SORCS2: variants seen among roughly 807,000 people sequenced by gnomAD.
SORCS2 encodes the protein VPS10 domain-containing receptor SorCS2.
A neutral mutation model predicts 141.6 loss-of-function variants in SORCS2; 100 were observed. The ratio of observed to expected loss-of-function variants is 0.71; its 90% CI spans 0.60 to 0.83. The LOEUF (loss-of-function observed/expected upper bound fraction) is 0.83. SORCS2 is among the 40% of genes least tolerant of loss of function. The pLI, the probability that SORCS2 is intolerant of heterozygous loss-of-function variation, is 0.00. For synonymous variants in SORCS2, 789 were observed against 676.9 expected, an observed-to-expected ratio of 1.17 and a Z score of -2.57; for missense variants, 1,646 against 1,560.2, an observed-to-expected ratio of 1.05 and a Z score of -0.93.
At chr4:7,654,010 G>T (rs141227459) in intron 4 of SORCS2, 124 bp from the exon 5 acceptor site, 3 of 908,924 alleles carry the variant, frequency 3.3e-6, no homozygotes, top group Non-Finnish European at 3.4e-6. Context: ...GCGCCTCCGC[G>T]TGTCCGCTGG....
chr4:7,681,732 A>AAT (rs1430961751), intron 9 of SORCS2, among the ~76,000 whole-genome samples: 1 of 152,192 alleles, frequency 6.6e-6, no homozygotes, highest in Non-Finnish European at 1.5e-5. Flanking sequence ...GAGTTGTGAG[A>AAT]ATTCAGTGAG....
chr4:7,306,471 G>A (rs540294914), intron 1 of SORCS2, among the ~76,000 whole-genome samples: 1 of 152,198 alleles, frequency 6.6e-6, no homozygotes, highest in African/African-American at 2.4e-5. Context: ...TTGCGGTGTG[G>A]CTGCTGCATT....
At chr4:7,604,090 G>A (rs1342397442) in intron 3 of SORCS2, among the ~76,000 whole-genome samples, 1 of 152,102 alleles carries the variant, frequency 6.6e-6, no homozygotes. Context: ...GTGTGTGTGT[G>A]TGTACTTTTC....
intron 1 of SORCS2, among the ~76,000 whole-genome samples, chr4:7,284,288 C>T (rs182028146): frequency 2.0e-3 from 299 of 151,600 alleles, no homozygotes; most frequent in Non-Finnish European, 3.4e-3. Context: ...GGGAAAGAGC[C>T]GAGGCTGGGG....
At chr4:7,260,922 G>A (rs2108822352) in intron 1 of SORCS2, among the ~76,000 whole-genome samples, 1 of 152,342 alleles carries the variant, frequency 6.6e-6, no homozygotes, top group Non-Finnish European at 1.5e-5. Flanking sequence ...GGCTCAGAGA[G>A]GTGGAGAGTC....
At chr4:7,412,937 A>G (rs1725413185) in intron 2 of SORCS2, among the ~76,000 whole-genome samples, 6 of 152,214 alleles carry the variant, frequency 3.9e-5, no homozygotes, top group Admixed American at 3.9e-4. Flanking sequence ...TGTTCTCTGC[A>G]CCTGGCAGAA....
At chr4:7,603,403 T>C (rs1480639772) in intron 3 of SORCS2, among the ~76,000 whole-genome samples, 1 of 152,204 alleles carries the variant, frequency 6.6e-6, no homozygotes, top group Non-Finnish European at 1.5e-5. Flanking sequence ...ATTTTCTCCG[T>C]CTGTTTTCTG....
intron 1 of SORCS2, among the ~76,000 whole-genome samples, chr4:7,311,034 G>T (rs1255295867): frequency 6.6e-6 from 1 of 152,070 alleles, no homozygotes; most frequent in Non-Finnish European, 1.5e-5. Context: ...ATAGGTAGGG[G>T]CCACATACAT....
chr4:7,285,285 G>A (rs565031989), intron 1 of SORCS2, among the ~76,000 whole-genome samples: 29 of 151,968 alleles, frequency 1.9e-4, no homozygotes, highest in Admixed American at 5.9e-4. Context: ...CACCCACCTC[G>A]GCCTCCCAAA....
chr4:7,607,600 G>A (rs1718144485), intron 3 of SORCS2, among the ~76,000 whole-genome samples: 1 of 152,128 alleles, frequency 6.6e-6, no homozygotes, highest in Non-Finnish European at 1.5e-5. Flanking sequence ...GACAAGATTG[G>A]GGCTCATGGA....
At chr4:7,635,134 A>C (rs1720158816) in intron 3 of SORCS2, among the ~76,000 whole-genome samples, 1 of 152,226 alleles carries the variant, frequency 6.6e-6, no homozygotes, top group Admixed American at 6.5e-5. Flanking sequence ...GTCCCAGGCT[A>C]ATGTAAAGTG....
intron 1 of SORCS2, among the ~76,000 whole-genome samples, chr4:7,314,671 T>C (rs1302792446): frequency 1.3e-5 from 2 of 151,926 alleles, no homozygotes; most frequent in Non-Finnish European, 1.5e-5. Flanking sequence ...TCTGGATTAA[T>C]TGATTAATTG....
At chr4:7,569,311 G>T (rs1715223344) in intron 3 of SORCS2, among the ~76,000 whole-genome samples, 1 of 152,180 alleles carries the variant, frequency 6.6e-6, no homozygotes, top group Admixed American at 6.5e-5. Flanking sequence ...AGGAGTTTGA[G>T]ACCAGCCTGG....
At chr4:7,695,167 T>C (rs1183570836) in intron 11 of SORCS2, among the ~76,000 whole-genome samples, 1 of 150,694 alleles carries the variant, frequency 6.6e-6, no homozygotes, top group Non-Finnish European at 1.5e-5. Flanking sequence ...AATAGGTAGA[T>C]GGAGGGATGA....
At position 7,638,398 on chromosome 4, in the gene SORCS2, C is replaced by A. The variant is rs760321934; in HGVS notation, c.719C>A (p.Thr240Asn). ...TTCCTCAGCGCAGACGAAGGCGCCA[C>A]CTTTCAGAAGCAGCCCATTCCCTTC... is the stretch of plus-strand genomic sequence containing the variant. ...SLFLSADEGA[T>N]FQKQPIPFFV... is the part of the protein sequence containing the mutation. The change falls in exon 4 of 27, where the codon ACC becomes AAC. Residue 240 changes from threonine (T) to asparagine (N), a missense_variant. By Grantham distance (65) the Thr-to-Asn change is moderately conservative. Coordinates refer to ENST00000507866, the MANE Select transcript of SORCS2 (RefSeq NM_020777.3). 6.3e-7 allele frequency: 1 copy of A among 1,586,122 alleles called. No homozygotes were observed. Among genetic ancestry groups the A allele is most frequent in the South Asian group, 1.2e-5 (1 of 86,398 alleles).
intron 3 of SORCS2, among the ~76,000 whole-genome samples, chr4:7,554,661 C>A (rs1713972127): frequency 6.6e-6 from 1 of 152,154 alleles, no homozygotes. Flanking sequence ...ATCTTTGATG[C>A]CTGTCAGAGA....
intron 1 of SORCS2, among the ~76,000 whole-genome samples, chr4:7,376,124 T>A (rs1002725280): frequency 1.2e-4 from 19 of 152,250 alleles, no homozygotes; most frequent in African/African-American, 4.6e-4. Context: ...AATTGACCTC[T>A]GCATCTCCAT....
intron 1 of SORCS2, among the ~76,000 whole-genome samples, chr4:7,353,054 T>C (rs1386357811): frequency 6.6e-6 from 1 of 152,106 alleles, no homozygotes; most frequent in Non-Finnish European, 1.5e-5. Flanking sequence ...CTAGAGGTCA[T>C]CACCCAGCTC....
intron 1 of SORCS2, among the ~76,000 whole-genome samples, chr4:7,282,669 T>C (rs111319054): frequency 1.7e-3 from 256 of 152,332 alleles, no homozygotes; most frequent in African/African-American, 5.8e-3. Flanking sequence ...CGCCAGTGGC[T>C]GTAGGACCCT....
Sources: gnomAD v4.1 joint callset for allele counts (sites outside exome capture counted in the v4.1 genomes callset) on GRCh38, gnomAD v4.1.1 for gene constraint, MANE v1.5 for transcripts, NCBI Gene and HGNC (gene_info 2026-07-23, HGNC 2026-07-21) for gene names.